Variants in CLDN2 observed in about 807,000 individuals in gnomAD.
CLDN2 encodes the protein claudin-2.
CLDN2 carries 1 observed loss-of-function variant against 8.2 expected under a neutral mutation model. The ratio of observed to expected loss-of-function variants is 0.12; its 90% CI spans 0.04 to 0.58. The LOEUF (loss-of-function observed/expected upper bound fraction) is 0.58. CLDN2 is among the 20% of genes least tolerant of loss of function. The pLI, the probability that CLDN2 is intolerant of heterozygous loss-of-function variation, is 0.90. For missense variants in CLDN2, 108 were observed against 172.9 expected (o/e 0.62, Z 2.11); for synonymous variants, 70 against 70.2 (o/e 1.00, Z 0.01).
intron 1 of CLDN2, among the ~76,000 whole-genome samples, chrX:106,906,620 C>T (rs1242839954): frequency 9.0e-6 from 1 of 111,316 alleles, no homozygotes; most frequent in Non-Finnish European, 1.9e-5. Context: ...CCACTCCCCC[C>T]TCAAACTTGG....
At chrX:106,908,754 AT>A (rs1289162002) in intron 1 of CLDN2, among the ~76,000 whole-genome samples, 3 of 108,112 alleles carry the variant, frequency 2.8e-5, no homozygotes, top group South Asian at 4.1e-4. Flanking sequence ...ACCCATGGCT[AT>A]TTTTTTTCAT....
Position 106,929,033 on chromosome X carries a change from TGAG to T in CLDN2, c.*115_*117del, listed in dbSNP as rs1173935028. ...ACTGGATCGTGTCAGAAGGTGCTGC[TGAG>T]GATAGACTGACTTTGGCCATTGGAT... On this transcript the variant is annotated 3_prime_UTR_variant, in exon 2 of 2. Coordinates refer to ENST00000336803, the MANE Select transcript of CLDN2 (RefSeq NM_020384.4). 1 of 648,917 alleles carries T rather than the reference TGAG, an allele frequency of 1.5e-6. No individual in the cohort carries two copies. The highest frequency in any genetic ancestry group is 2.4e-6 in the Non-Finnish European group (1 of 423,649). The allele number at this position is 648,917 out of a possible 1,213,427, so 53.5% of individuals were successfully genotyped here.
intron 1 of CLDN2, among the ~76,000 whole-genome samples, chrX:106,902,874 C>CACCT (rs780228486): frequency 3.6e-5 from 4 of 112,609 alleles, no homozygotes; most frequent in African/African-American, 1.3e-4. Context: ...GGGACTCAGC[C>CACCT]ACCTGGCCTA....
exon 1 of CLDN2, chrX:106,900,405 A>C (rs1216891100): frequency 1.9e-5 from 3 of 156,317 alleles, no homozygotes; most frequent in Non-Finnish European, 3.6e-5. Flanking sequence ...TGGGGGCTTC[A>C]GCAAGCCTTC....
Position 106,901,502 on chromosome X carries a change from C to T in CLDN2, c.-179+998C>T, listed in dbSNP as rs1289394906. On this transcript the variant is annotated intron_variant, in intron 1 of 1. Transcript: ENST00000541806. ...ACAGGGTGATGGAACTTGGATTCAG[C>T]CTTGGTGACCTCAGCAGCCGTTGCC... is the stretch of plus-strand genomic sequence containing the variant. The T allele has an allele frequency of 1.7e-6, 2 of 1,211,593 alleles. No individual in the cohort carries two copies. The highest frequency in any genetic ancestry group is 3.0e-5 in the East Asian group (1 of 33,851).
intron 1 of CLDN2, among the ~76,000 whole-genome samples, chrX:106,912,318 G>A (rs1416845378): frequency 9.1e-6 from 1 of 110,251 alleles, no homozygotes; most frequent in Admixed American, 9.7e-5. Flanking sequence ...GATATATAAA[G>A]CACTTCTGCA....
At chrX:106,917,892 T>C (rs1458279543), upstream of CLDN2, among the ~76,000 whole-genome samples, 5 of 111,242 alleles carry the variant, frequency 4.5e-5, no homozygotes, top group African/African-American at 1.6e-4. Context: ...GCAGGGGTCT[T>C]GGCAGAAGGA....
At chrX:106,912,409 T>A (rs1348933958) in intron 1 of CLDN2, among the ~76,000 whole-genome samples, 4 of 59,741 alleles carry the variant, frequency 6.7e-5, no homozygotes, top group Non-Finnish European at 1.1e-4. Context: ...TATGGAACTC[T>A]TTTTTTTTTT....
intron 1 of CLDN2, among the ~76,000 whole-genome samples, chrX:106,906,930 C>T (rs1283854956): frequency 1.8e-5 from 2 of 111,429 alleles, no homozygotes; most frequent in Non-Finnish European, 3.8e-5. Flanking sequence ...CTTTCTCTCC[C>T]TCCCTTCTTT....
chrX:106,926,515 G>T (rs1478682648), intron 1 of CLDN2, among the ~76,000 whole-genome samples: 3 of 110,686 alleles, frequency 2.7e-5, no homozygotes, highest in Non-Finnish European at 5.7e-5. Flanking sequence ...AGTAGGGAAA[G>T]AGAAATCTTG....
chrX:106,912,627 G>T (rs146756125), intron 1 of CLDN2, among the ~76,000 whole-genome samples: 86 of 109,776 alleles, frequency 7.8e-4, no homozygotes, highest in Middle Eastern at 9.2e-3. Flanking sequence ...TGTTGCCCAG[G>T]CTGGTCTCAA....
At chrX:106,900,888 C>A (rs373247473) in intron 1 of CLDN2, 8 of 1,210,268 alleles carry the variant, frequency 6.6e-6, no homozygotes, top group Non-Finnish European at 8.9e-6. Flanking sequence ...GTCGAAGGAG[C>A]GGGATTTAGG....
intron 1 of CLDN2, among the ~76,000 whole-genome samples, chrX:106,926,586 G>C (rs970878397): frequency 9.1e-6 from 1 of 110,460 alleles, no homozygotes; most frequent in Non-Finnish European, 1.9e-5. Flanking sequence ...GGTTAGTTCG[G>C]GCACGGTGGC....
intron 1 of CLDN2, chrX:106,900,787 C>A (rs765637306): frequency 8.3e-7 from 1 of 1,210,870 alleles, no homozygotes; most frequent in East Asian, 3.0e-5. Flanking sequence ...TCATCTTCCT[C>A]TTCTTCTTCG....
chrX:106,908,691 C>T (rs927733253), intron 1 of CLDN2, among the ~76,000 whole-genome samples: 1 of 108,120 alleles, frequency 9.2e-6, no homozygotes, highest in African/African-American at 3.4e-5. Flanking sequence ...TAGGCTCAAG[C>T]GATCCTTCCA....
chrX:106,917,932 G>A (rs1425078046), upstream of CLDN2, among the ~76,000 whole-genome samples: 2 of 111,204 alleles, frequency 1.8e-5, no homozygotes, highest in East Asian at 5.7e-4. Flanking sequence ...GCTCAACACT[G>A]AGGAGTCATA....
intron 1 of CLDN2, among the ~76,000 whole-genome samples, chrX:106,908,545 T>C (rs775764395): frequency 1.0e-4 from 11 of 107,644 alleles, no homozygotes; most frequent in African/African-American, 3.1e-4. Context: ...GGACAGTGTA[T>C]TTTTTTTCTT....
rs749402798 is a variant in CLDN2 at position 106,928,546 on chromosome X, C to A, written c.318C>A (p.Val106=). Residue 106 remains valine, a synonymous_variant, in exon 2 of 2, where the codon GTC becomes GTA. Transcript: ENST00000336803. ...CTGTGGTGGGCATGAGATGCACAGT[C>A]TTCTGCCAGGAATCCCGAGCCAAAG... ...IISVVGMRCT[V]FCQESRAKDR... is the part of the protein sequence containing the mutation. 1.7e-6 allele frequency: 2 copies of A among 1,211,773 alleles called. No homozygotes were observed. The highest frequency in any genetic ancestry group is 3.5e-5 in the African/African-American group (2 of 57,802).
chrX:106,906,671 C>G (rs1933183102), intron 1 of CLDN2, among the ~76,000 whole-genome samples: 1 of 111,556 alleles, frequency 9.0e-6, no homozygotes, highest in African/African-American at 3.3e-5. Flanking sequence ...CCTCTCTTCT[C>G]AGGGGACAAG....
Sources: gnomAD v4.1 joint callset for allele counts (sites outside exome capture counted in the v4.1 genomes callset) on GRCh38, gnomAD v4.1.1 for gene constraint, MANE v1.5 for transcripts, NCBI Gene and HGNC (gene_info 2026-07-23, HGNC 2026-07-21) for gene names.